CDKAL1: variants seen among roughly 807,000 people sequenced by gnomAD.
The protein encoded by CDKAL1 is CDKAL1 threonylcarbamoyladenosine tRNA methylthiotransferase.
In CDKAL1, 32 loss-of-function variants were observed where a neutral mutation model predicts 68.2. The ratio of observed to expected loss-of-function variants is 0.47; its 90% CI spans 0.35 to 0.63. The LOEUF (loss-of-function observed/expected upper bound fraction) is 0.63, where lower values mean the gene tolerates loss of function less well. Ranked by LOEUF, CDKAL1 falls within the 30% of genes least tolerant of loss-of-function variation. The pLI, the probability that CDKAL1 is intolerant of heterozygous loss-of-function variation, is 0.00. For missense variants in CDKAL1, 606 were observed against 696.7 expected (o/e 0.87, Z 1.47); for synonymous variants, 234 against 244.3 (o/e 0.96, Z 0.39).
intron 8 of CDKAL1, among the ~76,000 whole-genome samples, chr6:20,824,766 G>A (rs9465911): frequency 0.31 from 46,930 of 152,066 alleles, 7,558 homozygotes; most frequent in East Asian, 0.53. Flanking sequence ...AAAGGATTCC[G>A]CAAGGGCGTA....
chr6:21,210,511 C>G (rs1199161264), intron 15 of CDKAL1, among the ~76,000 whole-genome samples: 1 of 152,138 alleles, frequency 6.6e-6, no homozygotes, highest in Non-Finnish European at 1.5e-5. Context: ...CTGCTGGCAC[C>G]TTGATCTTAG....
chr6:20,970,608 A>G (rs1765544493), intron 10 of CDKAL1, among the ~76,000 whole-genome samples: 1 of 152,194 alleles, frequency 6.6e-6, no homozygotes, highest in Non-Finnish European at 1.5e-5. Context: ...AGGTGCATCA[A>G]TCACTTATGG....
intron 10 of CDKAL1, among the ~76,000 whole-genome samples, chr6:20,973,810 G>A (rs1465448938): frequency 6.6e-6 from 1 of 152,054 alleles, no homozygotes; most frequent in African/African-American, 2.4e-5. Context: ...TCCCTATGAT[G>A]CCCAGGCTAG....
At chr6:20,570,072 T>TTTTA (rs578156096) in intron 4 of CDKAL1, among the ~76,000 whole-genome samples, 8 of 151,902 alleles carry the variant, frequency 5.3e-5, no homozygotes, top group Middle Eastern at 3.2e-3. Flanking sequence ...AGCGAAAGCT[T>TTTTA]TTTATTTATT....
chr6:20,696,714 T>G (rs1771122274), intron 5 of CDKAL1, among the ~76,000 whole-genome samples: 1 of 152,222 alleles, frequency 6.6e-6, no homozygotes. Context: ...AGAATAAGAA[T>G]CACAGCTTGT....
intron 9 of CDKAL1, among the ~76,000 whole-genome samples, chr6:20,906,855 A>G (rs1445675810): frequency 6.6e-6 from 1 of 152,238 alleles, no homozygotes; most frequent in Non-Finnish European, 1.5e-5. Context: ...ACAGAAGGAA[A>G]TTCTAACAAA....
chr6:21,224,472 C>T (rs1163624407), intron 15 of CDKAL1, among the ~76,000 whole-genome samples: 3 of 152,076 alleles, frequency 2.0e-5, no homozygotes, highest in African/African-American at 7.2e-5. Context: ...CGAGATTGCG[C>T]CACTGTACTC....
At chr6:20,732,441 A>G (rs1038124834) in intron 5 of CDKAL1, among the ~76,000 whole-genome samples, 1 of 119,048 alleles carries the variant, frequency 8.4e-6, no homozygotes, top group Non-Finnish European at 1.8e-5. Context: ...ACACCTGGCT[A>G]TTTTTTTTTT....
At chr6:20,738,425 A>C (rs2150322724) in intron 5 of CDKAL1, among the ~76,000 whole-genome samples, 1 of 152,174 alleles carries the variant, frequency 6.6e-6, no homozygotes, top group African/African-American at 2.4e-5. Flanking sequence ...CTCTTGAGTA[A>C]AGAAATGCTT....
intron 5 of CDKAL1, among the ~76,000 whole-genome samples, chr6:20,710,815 T>G (rs1771811886): frequency 6.6e-6 from 1 of 152,194 alleles, no homozygotes; most frequent in Non-Finnish European, 1.5e-5. Flanking sequence ...GCCAAGTATT[T>G]TCAGTAAATT....
At chr6:20,930,259 A>T (rs1402203130) in intron 9 of CDKAL1, among the ~76,000 whole-genome samples, 8 of 1,990 alleles carry the variant, frequency 4.0e-3, no homozygotes, top group African/African-American at 5.3e-3. Context: ...ACGTGAATTA[A>T]AAAAAAAAAA....
chr6:20,728,600 C>T (rs1404020119), intron 5 of CDKAL1, among the ~76,000 whole-genome samples: 1 of 152,146 alleles, frequency 6.6e-6, no homozygotes, highest in African/African-American at 2.4e-5. Flanking sequence ...TAGATGATTT[C>T]CAGTAATGAC....
At chr6:21,035,387 C>G (rs952740755) in intron 11 of CDKAL1, among the ~76,000 whole-genome samples, 3 of 152,054 alleles carry the variant, frequency 2.0e-5, no homozygotes, top group African/African-American at 7.2e-5. Flanking sequence ...ACACTTTTTA[C>G]TGTTTAAAAT....
At chr6:21,095,618 C>T (rs1421756270) in intron 12 of CDKAL1, among the ~76,000 whole-genome samples, 7 of 151,172 alleles carry the variant, frequency 4.6e-5, no homozygotes, top group South Asian at 2.1e-4. Flanking sequence ...CCCCTCCTGC[C>T]GAAGGCTTGA....
chr6:21,109,389 C>A (rs1037763449), intron 13 of CDKAL1, among the ~76,000 whole-genome samples: 1 of 152,100 alleles, frequency 6.6e-6, no homozygotes, highest in Non-Finnish European at 1.5e-5. Flanking sequence ...AAACTACTTT[C>A]CTCAGTTGAA....
chr6:21,221,636 A>G (rs186546140), intron 15 of CDKAL1, among the ~76,000 whole-genome samples: 5 of 152,308 alleles, frequency 3.3e-5, no homozygotes, highest in Admixed American at 3.3e-4. Flanking sequence ...TGCAGAGCCC[A>G]TATGTTCAGG....
intron 12 of CDKAL1, among the ~76,000 whole-genome samples, chr6:21,094,983 A>G (rs1033313047): frequency 6.6e-6 from 1 of 152,190 alleles, no homozygotes; most frequent in South Asian, 2.1e-4. Flanking sequence ...GTTGTGTGTT[A>G]AACCAACTGG....
intron 9 of CDKAL1, among the ~76,000 whole-genome samples, chr6:20,886,646 A>T (rs961008716): frequency 2.0e-5 from 3 of 152,246 alleles, no homozygotes; most frequent in African/African-American, 7.2e-5. Context: ...ACAAAAGGAC[A>T]AATATTGTAT....
At chr6:20,618,089 A>G (rs1767006803) in intron 4 of CDKAL1, among the ~76,000 whole-genome samples, 1 of 152,064 alleles carries the variant, frequency 6.6e-6, no homozygotes, top group Admixed American at 6.5e-5. Flanking sequence ...TTGTTTCCTG[A>G]CTTTTTAATG....
Sources: gnomAD v4.1 joint callset for allele counts (sites outside exome capture counted in the v4.1 genomes callset) on GRCh38, gnomAD v4.1.1 for gene constraint, MANE v1.5 for transcripts, NCBI Gene and HGNC (gene_info 2026-07-23, HGNC 2026-07-21) for gene names.